DLGAP1: variants seen among roughly 807,000 people sequenced by gnomAD.
DLGAP1 encodes the protein disks large-associated protein 1.
DLGAP1 carries 11 observed loss-of-function variants against 90.8 expected under a neutral mutation model. That is an observed-to-expected ratio of 0.12 (90% CI 0.08 to 0.20). The LOEUF (loss-of-function observed/expected upper bound fraction) is 0.20. Among genes scored for constraint, DLGAP1 ranks in the 10% least tolerant of loss-of-function variants. DLGAP1 has a pLI of 1.00. For synonymous variants in DLGAP1, 558 were observed against 540.7 expected, an observed-to-expected ratio of 1.03 and a Z score of -0.44; for missense variants, 1,050 against 1,333.8, an observed-to-expected ratio of 0.79 and a Z score of 3.31.
intron 3 of DLGAP1, among the ~76,000 whole-genome samples, chr18:3,891,210 TC>T: frequency 6.6e-6 from 1 of 152,310 alleles, no homozygotes; most frequent in Non-Finnish European, 1.5e-5. Context: ...CTTCTCCCAT[TC>T]CATCCATCCC....
In DLGAP1 at chr18:3,935,652, G is replaced by T. The variant is rs2072619115; in HGVS notation, c.-72-55512C>A. On this transcript the variant is annotated intron_variant, in intron 3 of 12. Transcript: ENST00000315677. ...CTTGCAAAGTGATGATAAAGATAATGACAGTAATACAAATGACATAATAGC... is the reference window on the plus strand; with the variant it reads ...CTTGCAAAGTGATGATAAAGATAATTACAGTAATACAAATGACATAATAGC... 2.0e-5 allele frequency among the ~76,000 whole-genome samples: 3 copies of T among 152,182 alleles called. No homozygotes were observed. In the South Asian group the frequency reaches 6.2e-4, roughly 32 times the overall value.
chr18:3,905,973 G>T (rs950557667), intron 3 of DLGAP1, among the ~76,000 whole-genome samples: 1 of 152,206 alleles, frequency 6.6e-6, no homozygotes, highest in Admixed American at 6.5e-5. Context: ...GCCATTGCTT[G>T]AAATGACTGC....
At chr18:4,056,495 C>G (rs1230881827) in intron 2 of DLGAP1, among the ~76,000 whole-genome samples, 1 of 152,186 alleles carries the variant, frequency 6.6e-6, no homozygotes, top group Admixed American at 6.5e-5. Flanking sequence ...ATGGCTACAA[C>G]ACATGGTTTT....
At chr18:4,164,445 C>T (rs980143835) in intron 1 of DLGAP1, among the ~76,000 whole-genome samples, 3 of 152,054 alleles carry the variant, frequency 2.0e-5, no homozygotes, top group Non-Finnish European at 4.4e-5. Context: ...CTTTGGGAGG[C>T]GAAGATGGGT....
At chr18:3,559,699 T>G (rs2053963180) in intron 9 of DLGAP1, among the ~76,000 whole-genome samples, 1 of 148,730 alleles carries the variant, frequency 6.7e-6, no homozygotes, top group African/African-American at 2.5e-5. Context: ...CTCAGCTCAC[T>G]GCAACCTCTG....
intron 1 of DLGAP1, among the ~76,000 whole-genome samples, chr18:4,343,045 T>C (rs530274686): frequency 2.2e-3 from 341 of 152,146 alleles, no homozygotes; most frequent in Admixed American, 4.3e-3. Context: ...CGGTGGCTCA[T>C]GCCTGTAATG....
chr18:3,880,397 G>A (rs1265266041), intron 3 of DLGAP1, among the ~76,000 whole-genome samples: 1 of 151,824 alleles, frequency 6.6e-6, no homozygotes, highest in East Asian at 2.0e-4. Context: ...GCTTGGTCTC[G>A]AACTCCTGGG....
chr18:4,258,440 G>A (rs2078940456), intron 1 of DLGAP1, among the ~76,000 whole-genome samples: 1 of 151,934 alleles, frequency 6.6e-6, no homozygotes, highest in Non-Finnish European at 1.5e-5. Context: ...TTTTGATCGG[G>A]AGTCACGTTT....
intron 1 of DLGAP1, among the ~76,000 whole-genome samples, chr18:4,322,970 G>GAAAAAAAAAAAAAAAAAAAAA (rs1398796779): frequency 7.7e-6 from 1 of 130,050 alleles, no homozygotes; most frequent in Admixed American, 7.6e-5. Flanking sequence ...AAAAAAAAAG[G>GAAAAAAAAAAAAAAAAAAAAA]AAAAAGCTAC....
intron 7 of DLGAP1, among the ~76,000 whole-genome samples, chr18:3,694,994 C>A (rs372602001): frequency 6.9e-6 from 1 of 145,868 alleles, no homozygotes; most frequent in East Asian, 2.0e-4. Flanking sequence ...GACTGGAGTG[C>A]GGTGGCGTGC....
intron 2 of DLGAP1, among the ~76,000 whole-genome samples, chr18:4,016,318 C>G (rs986531802): frequency 6.6e-6 from 1 of 152,234 alleles, no homozygotes; most frequent in African/African-American, 2.4e-5. Context: ...ACCAAGGCAG[C>G]CGCTGGTGAG....
rs562583433 is a variant in DLGAP1, at chr18:4,397,050, G to A, written c.-267+57956C>T. 5.1e-4 allele frequency among the ~76,000 whole-genome samples: 78 copies of A among 152,328 alleles called. 1 individual carries two copies. Among genetic ancestry groups the A allele is most frequent in the Non-Finnish European group, 1.0e-3 (71 of 68,034 alleles). On this transcript the variant is annotated intron_variant, in intron 1 of 12. Transcript: ENST00000315677. ...GTTCTGATCCCAGGGTTACTCACTA[G>A]CTATGCAACCAAGGCAGGGTGTTTA...
chr18:4,084,336 A>G lies in DLGAP1; in HGVS notation c.-159+66844T>C, dbSNP rs79640386. 6.6e-6 allele frequency among the ~76,000 whole-genome samples: 1 copy of G among 152,166 alleles called. No homozygotes were observed. The highest frequency in any genetic ancestry group is 2.4e-5 in the African/African-American group (1 of 41,428). On this transcript the variant is annotated intron_variant, in intron 2 of 12. Transcript: ENST00000315677. The surrounding 1 kb of genome is among the most constrained non-coding windows in gnomAD (Gnocchi z 4.0). ...GAAAAATGATTGTTTACCATAACTC[A>G]TTTAACAATCTTTCCATTGTTAAAA...
At chr18:4,445,569 T>C (rs1023722222) in intron 1 of DLGAP1, among the ~76,000 whole-genome samples, 17 of 151,402 alleles carry the variant, frequency 1.1e-4, no homozygotes, top group Non-Finnish European at 1.8e-4. Flanking sequence ...GTTCTTGCGA[T>C]AGTTTACTGA....
At chr18:3,991,903 C>G (rs549555530) in intron 3 of DLGAP1, among the ~76,000 whole-genome samples, 1 of 152,112 alleles carries the variant, frequency 6.6e-6, no homozygotes, top group Non-Finnish European at 1.5e-5. Flanking sequence ...TCGAAGACCA[C>G]GGAAACATGG....
chr18:3,990,791 C>T (rs2073952039), intron 3 of DLGAP1, among the ~76,000 whole-genome samples: 1 of 151,856 alleles, frequency 6.6e-6, no homozygotes, highest in Admixed American at 6.5e-5. Context: ...TTGCCTTCTA[C>T]AGTTTGACCA....
At chr18:4,436,379 G>C (rs2144789541) in intron 1 of DLGAP1, among the ~76,000 whole-genome samples, 2 of 152,022 alleles carry the variant, frequency 1.3e-5, no homozygotes, top group East Asian at 3.9e-4. Context: ...TCCTATTTCT[G>C]GGCCCCGACC....
chr18:3,944,634 C>T (rs769969311), intron 3 of DLGAP1, among the ~76,000 whole-genome samples: 6 of 152,220 alleles, frequency 3.9e-5, no homozygotes, highest in Non-Finnish European at 8.8e-5. Flanking sequence ...CTGACAGATA[C>T]CGCTTCTAGG....
At chr18:3,979,892 T>C (rs1300513966) in intron 3 of DLGAP1, among the ~76,000 whole-genome samples, 1 of 152,154 alleles carries the variant, frequency 6.6e-6, no homozygotes, top group African/African-American at 2.4e-5. Context: ...TCCCAGCACT[T>C]TGGGAAGCCG....
Sources: gnomAD v4.1 joint callset for allele counts (sites outside exome capture counted in the v4.1 genomes callset) on GRCh38, gnomAD v4.1.1 for gene constraint, Gnocchi (gnomAD v3.1) non-coding constraint, MANE v1.5 for transcripts, NCBI Gene and HGNC (gene_info 2026-07-23, HGNC 2026-07-21) for gene names.